Variants in SCUBE3 observed in about 807,000 individuals in gnomAD.
SCUBE3 encodes the protein signal peptide, CUB and EGF-like domain-containing protein 3.
Under a neutral mutation model 116.8 loss-of-function variants are expected in SCUBE3, and 33 were observed. The ratio of observed to expected loss-of-function variants is 0.28; its 90% CI spans 0.21 to 0.38. SCUBE3 has a LOEUF of 0.38. Ranked by LOEUF, SCUBE3 falls within the 10% of genes least tolerant of loss-of-function variation. The probability of loss-of-function intolerance (pLI) is 1.00; values close to 1 mark genes in which losing one functional copy is unlikely to be tolerated. For missense variants in SCUBE3, 1,007 were observed against 1,324.8 expected, an observed-to-expected ratio of 0.76 and a Z score of 3.72; for synonymous variants, 418 against 496.9, an observed-to-expected ratio of 0.84 and a Z score of 2.11.
Position 35,245,958 on chromosome 6 carries a change from A to G in SCUBE3, c.2614A>G (p.Ile872Val), listed in dbSNP as rs1189505651. The G allele has an allele frequency of 1.2e-6, 2 of 1,614,026 alleles. No individual in the cohort carries two copies. The highest frequency in any genetic ancestry group is 2.2e-5 in the South Asian group (2 of 91,074). The change falls in exon 20 of 22, where the codon ATT (isoleucine) becomes GTT (valine). Residue 872 changes from isoleucine to valine, a missense_variant. By Grantham distance (29) the Ile-to-Val change is conservative. Coordinates refer to ENST00000274938, the MANE Select transcript of SCUBE3 (RefSeq NM_152753.4). The surrounding 1 kb of genome is among the most constrained non-coding windows in gnomAD (Gnocchi z 4.2). ...VMRKNSSPSSITTYETCQTYE... is the reference protein window; with the variant it reads ...VMRKNSSPSSVTTYETCQTYE... ...TGCCTTCCCAGCATCCCCATCCTCC[A>G]TTACCACTTATGAGACCTGCCAGAC...
rs1227165879 is a variant in SCUBE3, at chr6:35,252,857, T to C, written c.*4152T>C. On this transcript the variant is annotated 3_prime_UTR_variant, in exon 22 of 22. Coordinates refer to ENST00000274938, the MANE Select transcript of SCUBE3 (RefSeq NM_152753.4). ...ATAATCATCGCCATGTGGGAGGCTT[T>C]TTGTTAAATGCAGAAGAAATTTCAA... The C allele has an allele frequency of 6.6e-6, 1 of 152,230 alleles. No individual in the cohort carries two copies. The highest frequency in any genetic ancestry group is 2.4e-5 in the African/African-American group (1 of 41,456). The allele number at this position is 152,230 out of a possible 1,614,324, so 9.4% of individuals were successfully genotyped here. A position where few individuals can be genotyped will look rare whatever the true frequency, so the allele number is the denominator to read the frequency against.
rs143657348 is a variant in SCUBE3, at chr6:35,229,724, T to C, written c.334+985T>C. On this transcript the variant is annotated intron_variant, in intron 3 of 21. Coordinates refer to ENST00000274938, the MANE Select transcript of SCUBE3 (RefSeq NM_152753.4). ...GAACTCAACTTTGGTCTCTGTCATT[T>C]TGGAAAATTACTGGGACCAAGTCAG... 1.1e-3 allele frequency among the ~76,000 whole-genome samples: 175 copies of C among 152,242 alleles called. 2 individuals are homozygous for C. Among genetic ancestry groups the C allele is most frequent in the African/African-American group, 3.5e-3 (146 of 41,538 alleles).
Position 35,248,543 on chromosome 6 carries a change from C to T in SCUBE3, c.2833-13C>T, listed in dbSNP as rs1287489493. Reference sequence around the variant, plus strand: ...ACGGTGAGGCTGACATTGCTCCCTGCCATCCTTTGCAGGACAAGAAGCTCA... The same window carrying T: ...ACGGTGAGGCTGACATTGCTCCCTGTCATCCTTTGCAGGACAAGAAGCTCA... On this transcript the variant is annotated splice_polypyrimidine_tract_variant and intron_variant, in intron 21 of 21. Transcript: ENST00000274938. The T allele has an allele frequency of 1.2e-6, 2 of 1,613,734 alleles. No homozygotes were observed. The highest frequency in any genetic ancestry group is 4.5e-5 in the East Asian group (2 of 44,882).
rs1313666483 is a variant in SCUBE3, at chr6:35,252,597, GT to G, written c.*3895del. 6.6e-6 allele frequency: 1 copy of G among 152,144 alleles called. No individual in the cohort carries two copies. The highest frequency in any genetic ancestry group is 1.5e-5 in the Non-Finnish European group (1 of 68,030). The allele number at this position is 152,144 out of a possible 1,614,324, so 9.4% of individuals were successfully genotyped here. Reference sequence around the variant, plus strand: ...TAAGCAGAAAATGTTAACCCTCCAGGTTTCTTTCTTAAGCACAATAAAAGTG... The same window carrying G: ...TAAGCAGAAAATGTTAACCCTCCAGGTTCTTTCTTAAGCACAATAAAAGTG... On this transcript the variant is annotated 3_prime_UTR_variant, in exon 22 of 22. Transcript: ENST00000274938.
intron 1 of SCUBE3, among the ~76,000 whole-genome samples, chr6:35,216,782 G>A (rs1231651043): frequency 6.6e-6 from 1 of 152,150 alleles, no homozygotes; most frequent in Non-Finnish European, 1.5e-5. Flanking sequence ...TATCTTGCAC[G>A]GAGTTACTAT....
At chr6:35,236,319 T>TG (rs2150303550) in intron 6 of SCUBE3, among the ~76,000 whole-genome samples, 1 of 152,332 alleles carries the variant, frequency 6.6e-6, no homozygotes, top group Non-Finnish European at 1.5e-5. Flanking sequence ...CTGTCCAGCC[T>TG]GGGATGGACA....
Position 35,248,822 on chromosome 6 carries a change from A to G in SCUBE3, c.*117A>G. The G allele has an allele frequency of 1.3e-6, 1 of 778,090 alleles. No homozygotes were observed. Among genetic ancestry groups the G allele is most frequent in the Middle Eastern group, 3.1e-4 (1 of 3,234 alleles). 48.2% of individuals were successfully genotyped at this position (778,090 alleles called of 1,614,324 possible). On this transcript the variant is annotated 3_prime_UTR_variant, in exon 22 of 22. Transcript: ENST00000274938. ...TCCTCTCTTTTTGGAGGGAAAAAAA[A>G]AATATCACTACACAAACCAGGCACT...
At position 35,231,821 on chromosome 6, in the gene SCUBE3, T is replaced by G; in HGVS notation, c.431T>G (p.Leu144Arg). ...YECHCREGFF[L>R]SDNQHTCIQR... The stretch of plus-strand genomic sequence containing the variant: ...TGCCACTGCCGGGAAGGCTTCTTCC[T>G]CAGCGACAACCAGCATACCTGTATC... Residue 144 changes from leucine (L) to arginine (R), a missense_variant, in exon 4 of 22, where the codon CTC becomes CGC. By Grantham distance (102) the Leu-to-Arg change is moderately radical. This residue lies in a region of SCUBE3 where 214 missense variants were observed against 316.7 expected (regional missense o/e 0.68). Transcript: ENST00000274938. The surrounding 1 kb of genome is among the most constrained non-coding windows in gnomAD (Gnocchi z 4.2). 1 of 1,613,576 alleles carries G rather than the reference T, an allele frequency of 6.2e-7. No individual in the cohort carries two copies. Among genetic ancestry groups the G allele is most frequent in the Non-Finnish European group, 8.5e-7 (1 of 1,179,626 alleles).
Position 35,232,022 on chromosome 6 carries a change from C to T in SCUBE3, c.469+163C>T, listed in dbSNP as rs979471024. Among the ~76,000 whole-genome samples, 6 of 152,202 alleles carry T rather than the reference C, an allele frequency of 3.9e-5. No individual in the cohort carries two copies. The highest frequency in any genetic ancestry group is 1.2e-4 in the African/African-American group (5 of 41,450). On this transcript the variant is annotated intron_variant, in intron 4 of 21. Transcript: ENST00000274938. This position sits in a 1 kb window ranked among gnomAD's most constrained non-coding sequence, Gnocchi z 4.2. ...ACACCCTAAAGGATCTAGGAACAGACACCCTGTTAGGGCAAAATCTGGGGA... is the reference window on the plus strand; with the variant it reads ...ACACCCTAAAGGATCTAGGAACAGATACCCTGTTAGGGCAAAATCTGGGGA...
intron 1 of SCUBE3, among the ~76,000 whole-genome samples, chr6:35,216,961 G>A (rs1782917994): frequency 1.3e-5 from 2 of 151,872 alleles, no homozygotes; most frequent in East Asian, 3.9e-4. Flanking sequence ...TTACCCACAG[G>A]CAACATAGCT....
chr6:35,215,966 G>C lies in SCUBE3; in HGVS notation c.85+1463G>C, dbSNP rs79237951. Among the ~76,000 whole-genome samples, 642 of 152,358 alleles carry C rather than the reference G, an allele frequency of 4.2e-3. 5 individuals are homozygous for C. Among genetic ancestry groups the C allele is most frequent in the Non-Finnish European group, 6.1e-3 (417 of 68,040 alleles). ...GTTTTCATAAACAAAGCTGGCTTTT[G>C]TAGTGTGTGCTGACTTACTCATAAC... On this transcript the variant is annotated intron_variant, in intron 1 of 21. Transcript: ENST00000274938.
At position 35,231,950 on chromosome 6, in the gene SCUBE3, A is replaced by G; in HGVS notation, c.469+91A>G. ...CAGCAGCCCCTAAGTCTCACCCTCC[A>G]TTCTCAACTCAGCTAGCTCCTTCTT... On this transcript the variant is annotated intron_variant, in intron 4 of 21. Transcript: ENST00000274938. This position sits in a 1 kb window ranked among gnomAD's most constrained non-coding sequence, Gnocchi z 4.2. The G allele has an allele frequency of 9.1e-7, 1 of 1,100,510 alleles. No individual in the cohort carries two copies. The highest frequency in any genetic ancestry group is 1.3e-6 in the Non-Finnish European group (1 of 762,500). The allele number at this position is 1,100,510 out of a possible 1,614,324, so 68.2% of individuals were successfully genotyped here. A position where few individuals can be genotyped will look rare whatever the true frequency, so the allele number is the denominator to read the frequency against.
rs1329042910 is a variant in SCUBE3 at position 35,214,219 on chromosome 6, G to A, written c.-200G>A. On this transcript the variant is annotated 5_prime_UTR_variant, in exon 1 of 22. Coordinates refer to ENST00000274938, the MANE Select transcript of SCUBE3 (RefSeq NM_152753.4). This position sits in a 1 kb window ranked among gnomAD's most constrained non-coding sequence, Gnocchi z 6.3. ...CACTCTCCGCCTCGCTCTCCCCGAC[G>A]TCCGGCCAGGAGGAGCCGGTAGCAT... Among the ~76,000 whole-genome samples the A allele has an allele frequency of 1.3e-5, 2 of 152,112 alleles. 1 individual carries two copies. The highest frequency in any genetic ancestry group is 6.4e-3 in the Middle Eastern group (2 of 314).
rs1401723567 is a variant in SCUBE3 at position 35,251,768 on chromosome 6, G to A, written c.*3063G>A. 1.3e-5 allele frequency: 2 copies of A among 152,170 alleles called. No homozygotes were observed. Among genetic ancestry groups the A allele is most frequent in the Admixed American group, 6.5e-5 (1 of 15,274 alleles). The allele number at this position is 152,170 out of a possible 1,614,324, so 9.4% of individuals were successfully genotyped here. The stretch of plus-strand genomic sequence containing the variant: ...TTTAATTTAGGTCCTCCAAGTTGGA[G>A]GGTTAAGAACCCAGGCAAAGCTGCT... On this transcript the variant is annotated 3_prime_UTR_variant, in exon 22 of 22. Coordinates refer to ENST00000274938, the MANE Select transcript of SCUBE3 (RefSeq NM_152753.4).
intron 1 of SCUBE3, among the ~76,000 whole-genome samples, chr6:35,227,077 C>T (rs1016210965): frequency 6.6e-6 from 1 of 152,128 alleles, no homozygotes; most frequent in African/African-American, 2.4e-5. Context: ...GGAAGCAGGC[C>T]TGGTCTCAAG....
intron 1 of SCUBE3, among the ~76,000 whole-genome samples, chr6:35,225,633 G>A (rs1346663177): frequency 6.6e-6 from 1 of 152,188 alleles, no homozygotes; most frequent in Non-Finnish European, 1.5e-5. Flanking sequence ...AGAATGAAGA[G>A]CTGAACGGAA....
At chr6:35,236,941 A>G (rs1302282960) in intron 6 of SCUBE3, among the ~76,000 whole-genome samples, 1 of 152,150 alleles carries the variant, frequency 6.6e-6, no homozygotes, top group Non-Finnish European at 1.5e-5. Flanking sequence ...CCAAGCTACC[A>G]TTTAAACCTG....
At position 35,244,724 on chromosome 6, in the gene SCUBE3, C is replaced by G; in HGVS notation, c.2314C>G (p.Pro772Ala). 6.2e-7 allele frequency: 1 copy of G among 1,614,192 alleles called. No individual in the cohort carries two copies. Among genetic ancestry groups the G allele is most frequent in the South Asian group, 1.1e-5 (1 of 91,076 alleles). ...TCGCTGTGCCATGGGCTCCTATCAG[C>G]CCGACTTCCGTCAGAACTTCTGCAG... ...CIRCAMGSYQPDFRQNFCSRC... is the reference protein window; with the variant it reads ...CIRCAMGSYQADFRQNFCSRC... Residue 772 changes from proline to alanine, a missense_variant, in exon 18 of 22, where the codon CCC becomes GCC. Physicochemically the swap from Pro to Ala is conservative, Grantham distance 27 (BLOSUM62 -1). Around this residue, in one of 5 missense-constraint regions of SCUBE3, gnomAD observed 544 missense variants for 638.9 expected, o/e 0.85. Coordinates refer to ENST00000274938, the MANE Select transcript of SCUBE3 (RefSeq NM_152753.4). This position sits in a 1 kb window ranked among gnomAD's most constrained non-coding sequence, Gnocchi z 4.3.
Position 35,243,067 on chromosome 6 carries a change from G to C in SCUBE3, c.1740G>C (p.Leu580=), listed in dbSNP as rs147173373. 3.0e-4 allele frequency: 492 copies of C among 1,614,126 alleles called. No individual in the cohort carries two copies. Among genetic ancestry groups the C allele is most frequent in the Non-Finnish European group, 3.7e-4 (441 of 1,180,042 alleles). ...PCLRQRMERR[L]KGSLKMLRKS... ...TCCGACAGCGAATGGAACGGCGGCT[G>C]AAAGGATCCCTGAAGATGCTCAGAA... is the stretch of plus-strand genomic sequence containing the variant. The change falls in exon 15 of 22, where the codon CTG becomes CTC. Residue 580 remains leucine, a synonymous_variant. Coordinates refer to ENST00000274938, the MANE Select transcript of SCUBE3 (RefSeq NM_152753.4). This position sits in a 1 kb window ranked among gnomAD's most constrained non-coding sequence, Gnocchi z 6.6.
Sources: gnomAD v4.1 joint callset for allele counts (sites outside exome capture counted in the v4.1 genomes callset) on GRCh38, gnomAD v4.1.1 for gene constraint, gnomAD v4.1.1 regional missense constraint, Gnocchi (gnomAD v3.1) non-coding constraint, MANE v1.5 for transcripts, NCBI Gene and HGNC (gene_info 2026-07-23, HGNC 2026-07-21) for gene names.